Variants in COQ6 observed in about 807,000 individuals in gnomAD.
COQ6 encodes ubiquinone biosynthesis monooxygenase COQ6, mitochondrial.
COQ6 carries 45 observed loss-of-function variants against 55.5 expected under a neutral mutation model. The observed-to-expected ratio is 0.81, with a 90% confidence interval of 0.64 to 1.04. COQ6 has a LOEUF of 1.04. Among genes scored for constraint, COQ6 ranks in the 50% least tolerant of loss-of-function variants. The pLI is 0.00. For missense variants in COQ6, 550 were observed against 601.3 expected (o/e 0.91, Z 0.89); for synonymous variants, 206 against 230.5 (o/e 0.89, Z 0.96).
At chr14:73,956,028 A>G (rs2056413889) in intron 4 of COQ6, 100 bp downstream of exon 4, 1 of 1,558,894 alleles carries the variant, frequency 6.4e-7, no homozygotes, top group African/African-American at 1.3e-5. Context: ...GTCCACCATA[A>G]AGAAATCCTC....
At chr14:73,961,981 C>T in intron 11 of COQ6, 78 bp downstream of exon 11, 12 of 1,541,772 alleles carry the variant, frequency 7.8e-6, no homozygotes, top group South Asian at 1.1e-5. Flanking sequence ...GAGTCTTGGT[C>T]TTATCGCCCA....
At chr14:73,956,178 A>G (rs2056426621) in intron 4 of COQ6, 1 of 405,118 alleles carries the variant, frequency 2.5e-6, no homozygotes, top group Non-Finnish European at 4.7e-6. Context: ...CAAAGAAACA[A>G]TTAGCCAGGC....
At chr14:73,962,433 C>T (rs576025791) in intron 11 of COQ6, among the ~76,000 whole-genome samples, 1 of 152,034 alleles carries the variant, frequency 6.6e-6, no homozygotes, top group African/African-American at 2.4e-5. Context: ...GTGGCACATG[C>T]CTGTAGTCCT....
upstream of COQ6, chr14:73,950,057 ACAGCGATAGTGG>A: frequency 6.2e-7 from 1 of 1,610,282 alleles, no homozygotes; most frequent in Middle Eastern, 1.6e-4. Flanking sequence ...AGCGACAGTG[ACAGCGATAGTGG>A]CAGCAGCGGT....
chr14:73,953,743 A>G, intron 2 of COQ6, 174 bp downstream of exon 2: 2 of 773,864 alleles, frequency 2.6e-6, no homozygotes, highest in Non-Finnish European at 2.2e-6. Flanking sequence ...GGACCCCTGC[A>G]GTTGCTACTG....
chr14:73,963,413 T>C lies in COQ6; in HGVS notation c.*414T>C. 1 of 265,920 alleles carries C rather than the reference T, an allele frequency of 3.8e-6. No homozygotes were observed. Among genetic ancestry groups the C allele is most frequent in the South Asian group, 7.7e-5 (1 of 13,016 alleles). 16.5% of individuals were successfully genotyped at this position (265,920 alleles called of 1,614,324 possible). ...CTCGATGCATTTTTGTTAGAATTGC[T>C]GTTTAAATGTTAACATCAGAATGCA... On this transcript the variant is annotated 3_prime_UTR_variant, in exon 12 of 12. Transcript: ENST00000334571.
rs796274171 is a variant in COQ6 at position 73,954,957 on chromosome 14, T to A, written c.299-494T>A. ...GAGTCTTTTTTTTTTTTATTTTATT[T>A]TTTTTTTTTTTTGAGACGGAGTCTC... is the stretch of plus-strand genomic sequence containing the variant. On this transcript the variant is annotated intron_variant, in intron 2 of 11. Coordinates refer to ENST00000334571, the MANE Select transcript of COQ6 (RefSeq NM_182476.3). Among the ~76,000 whole-genome samples the A allele has an allele frequency of 2.9e-3, 334 of 115,116 alleles. 7 individuals are homozygous for A. The highest frequency in any genetic ancestry group is 0.012 in the African/African-American group (305 of 26,358). The allele number at this position is 115,116 out of a possible 152,430, so 75.5% of individuals were successfully genotyped here. A position where few individuals can be genotyped will look rare whatever the true frequency, so the allele number is the denominator to read the frequency against.
intron 2 of COQ6, among the ~76,000 whole-genome samples, chr14:73,954,931 T>C (rs1448950635): frequency 6.8e-6 from 1 of 147,134 alleles, no homozygotes; most frequent in Non-Finnish European, 1.5e-5. Flanking sequence ...TCATGGAAGC[T>C]GAGTCTTTTT....
chr14:73,957,202 A>G (rs1328805474), intron 4 of COQ6, among the ~76,000 whole-genome samples: 1 of 151,600 alleles, frequency 6.6e-6, no homozygotes, highest in Non-Finnish European at 1.5e-5. Flanking sequence ...GGTTCACACC[A>G]TTCTCCTGCC....
upstream of COQ6, chr14:73,950,122 C>T: frequency 1.2e-6 from 2 of 1,600,420 alleles, no homozygotes; most frequent in Non-Finnish European, 1.7e-6. Flanking sequence ...CCCTTTCTAG[C>T]TTTGGCGTCT....
chr14:73,953,575 T>A lies in COQ6; in HGVS notation c.298+6T>A, dbSNP rs1306197215. ...CTCTGCAACGCTTCTCAGTAGTGAG[T>A]AGAAGATCCTCCTTCAAAGATCCAA... On this transcript the variant is annotated splice_donor_region_variant and intron_variant, in intron 2 of 11. Coordinates refer to ENST00000334571, the MANE Select transcript of COQ6 (RefSeq NM_182476.3). 6.2e-7 allele frequency: 1 copy of A among 1,613,996 alleles called. No individual in the cohort carries two copies. Among genetic ancestry groups the A allele is most frequent in the Non-Finnish European group, 8.5e-7 (1 of 1,180,022 alleles).
upstream of COQ6, chr14:73,950,228 T>G: frequency 6.5e-7 from 1 of 1,539,256 alleles, no homozygotes; most frequent in Non-Finnish European, 8.7e-7. Context: ...TATTTCCGGT[T>G]CTGAGGACGC....
At chr14:73,950,267 C>G (rs1246181312), upstream of COQ6, 10 of 1,538,836 alleles carry the variant, frequency 6.5e-6, no homozygotes, top group Non-Finnish European at 7.8e-6. Context: ...TTGGAGTGCT[C>G]TGCTCCGGAC....
intron 4 of COQ6, among the ~76,000 whole-genome samples, chr14:73,957,436 G>A (rs1050744183): frequency 2.0e-5 from 3 of 152,154 alleles, no homozygotes; most frequent in Non-Finnish European, 4.4e-5. Context: ...CATACAAAAA[G>A]CTGTAAATGA....
intron 2 of COQ6, 71 bp downstream of exon 2, chr14:73,953,640 C>T (rs569909561): frequency 1.9e-6 from 3 of 1,580,730 alleles, no homozygotes; most frequent in African/African-American, 2.7e-5. Context: ...TCCCATGGGG[C>T]AGAGTCATCA....
chr14:73,961,912 T>C lies in COQ6; in HGVS notation c.1377+9T>C, dbSNP rs2056755538. On this transcript the variant is annotated intron_variant, in intron 11 of 11. Coordinates refer to ENST00000334571, the MANE Select transcript of COQ6 (RefSeq NM_182476.3). ...CAGTGTCTCCACTCAAAGTAAGAGGTTGCTCAGAGGAATGACTTTGCAAAC... is the reference window on the plus strand; with the variant it reads ...CAGTGTCTCCACTCAAAGTAAGAGGCTGCTCAGAGGAATGACTTTGCAAAC... 1.2e-6 allele frequency: 2 copies of C among 1,613,988 alleles called. No homozygotes were observed. The highest frequency in any genetic ancestry group is 1.1e-5 in the South Asian group (1 of 91,076).
chr14:73,959,527 G>A lies in COQ6; in HGVS notation c.891+5G>A. The A allele has an allele frequency of 6.2e-7, 1 of 1,613,992 alleles. No individual in the cohort carries two copies. The highest frequency in any genetic ancestry group is 1.1e-5 in the South Asian group (1 of 91,052). On this transcript the variant is annotated splice_donor_5th_base_variant and intron_variant, in intron 8 of 11. Transcript: ENST00000334571. ...GATGCCGTTAACTCTGCCTTTGTGA[G>A]TATCAATTTACCCAGCTGATGATGT...
In COQ6 at chr14:73,961,359, C is replaced by T. The variant is rs778856227; in HGVS notation, c.1078C>T (p.Arg360Trp). The change falls in exon 9 of 12, where the codon CGG becomes TGG. Residue 360 changes from arginine to tryptophan, a missense_variant. By Grantham distance (101) the Arg-to-Trp change is moderately radical (BLOSUM62 -3). Coordinates refer to ENST00000334571, the MANE Select transcript of COQ6 (RefSeq NM_182476.3). Reference sequence around the variant, plus strand: ...ACATGCTGCTGAGTACGTCAGGCCTCGGGTGGCGCTCATTGGGTAAGACGA... The same window carrying T: ...ACATGCTGCTGAGTACGTCAGGCCTTGGGTGGCGCTCATTGGGTAAGACGA... ...LGHAAEYVRP[R>W]VALIGDAAHR... 5.6e-6 allele frequency: 9 copies of T among 1,614,206 alleles called. No homozygotes were observed. Among genetic ancestry groups the T allele is most frequent in the Non-Finnish European group, 6.8e-6 (8 of 1,180,034 alleles).
At chr14:73,954,835 T>C (rs1381796211) in intron 2 of COQ6, among the ~76,000 whole-genome samples, 72 of 126,582 alleles carry the variant, frequency 5.7e-4, no homozygotes, top group African/African-American at 2.0e-3. Flanking sequence ...CAGAGCGAGA[T>C]TCCGTCTCAA....
Sources: allele counts gnomAD v4.1 joint callset (sites outside exome capture counted in the v4.1 genomes callset), GRCh38; gene constraint gnomAD v4.1.1; transcripts MANE v1.5; gene names NCBI Gene and HGNC (gene_info 2026-07-23, HGNC 2026-07-21).